The following MYO10 variants were observed in gnomAD, a reference collection of about 807,000 sequenced individuals.
MYO10 encodes the protein unconventional myosin-X.
MYO10 carries 133 observed loss-of-function variants against 257.3 expected under a neutral mutation model. The observed-to-expected ratio is 0.52, with a 90% CI of 0.45 to 0.60. The LOEUF (loss-of-function observed/expected upper bound fraction) is 0.60. Among genes scored for constraint, MYO10 ranks in the 20% least tolerant of loss-of-function variants. The probability of loss-of-function intolerance (pLI) is 0.00; values close to 1 mark genes in which losing one functional copy is unlikely to be tolerated. For synonymous variants in MYO10, 1,104 were observed against 1,028.6 expected (o/e 1.07, Z -1.40); for missense variants, 2,399 against 2,635.7 (o/e 0.91, Z 1.97).
In MYO10 at chr5:16,883,820, G is replaced by A. The variant is rs1348413771; in HGVS notation, c.22-6113C>T. ...TCCTGAACTCTGATTGAAAAAATAAGTTTAAAAATAAGTTAGAGAAACAAC... is the reference window on the plus strand; with the variant it reads ...TCCTGAACTCTGATTGAAAAAATAAATTTAAAAATAAGTTAGAGAAACAAC... On this transcript the variant is annotated intron_variant, in intron 1 of 40. Coordinates refer to ENST00000513610, the MANE Select transcript of MYO10 (RefSeq NM_012334.3). 2.0e-5 allele frequency among the ~76,000 whole-genome samples: 3 copies of A among 152,250 alleles called. No homozygotes were observed. In the East Asian group the frequency reaches 5.8e-4, roughly 29 times the overall value.
chr5:16,733,996 G>C (rs1438174498), intron 19 of MYO10, among the ~76,000 whole-genome samples: 1 of 152,146 alleles, frequency 6.6e-6, no homozygotes. Context: ...GCTGGCTTCA[G>C]GGGCAGCCTG....
intron 11 of MYO10, 98 bp from the exon 12 acceptor site, chr5:16,764,494 A>C: frequency 1.5e-6 from 2 of 1,352,694 alleles, no homozygotes; most frequent in Non-Finnish European, 2.0e-6. Context: ...CAAGACTAGC[A>C]TAGCATCTGG....
intron 4 of MYO10, among the ~76,000 whole-genome samples, chr5:16,784,159 A>C (rs1460779880): frequency 1.3e-5 from 2 of 152,232 alleles, no homozygotes; most frequent in Non-Finnish European, 2.9e-5. Context: ...GCCTTAAAAG[A>C]CCAGCAAACA....
chr5:16,819,801 G>A (rs1742743242), intron 2 of MYO10, among the ~76,000 whole-genome samples: 1 of 152,092 alleles, frequency 6.6e-6, no homozygotes, highest in East Asian at 1.9e-4. Flanking sequence ...TTTTTCATGA[G>A]CCATGACAAA....
chr5:16,713,237 C>T (rs1738700622), intron 19 of MYO10: 2 of 853,814 alleles, frequency 2.3e-6, no homozygotes, highest in Middle Eastern at 5.9e-4. Flanking sequence ...AGAACAAAGT[C>T]TGTACAATTC....
At chr5:16,927,170 C>A (rs945193405) in intron 1 of MYO10, among the ~76,000 whole-genome samples, 3 of 152,132 alleles carry the variant, frequency 2.0e-5, no homozygotes, top group South Asian at 4.1e-4. Context: ...TCTCAATCAA[C>A]TCTTCAGTGA....
In MYO10 at chr5:16,794,505, T is replaced by C. The variant is rs1398122650; in HGVS notation, c.467+141A>G. On this transcript the variant is annotated intron_variant, in intron 4 of 40. Transcript: ENST00000513610. ...CTGAAAGCTGAAGTTACCATGCCAT[T>C]CAAAACAGAAAACTCTGTCGGAGAA... 4.0e-6 allele frequency: 3 copies of C among 757,864 alleles called. No individual in the cohort carries two copies. The East Asian group carries it at 9.7e-5, about 24-fold the overall frequency. The allele number at this position is 757,864 out of a possible 1,614,324, so 46.9% of individuals were successfully genotyped here.
chr5:16,844,923 A>T (rs137889184), intron 2 of MYO10, among the ~76,000 whole-genome samples: 2 of 150,520 alleles, frequency 1.3e-5, no homozygotes, highest in Non-Finnish European at 2.9e-5. Context: ...TTATTCCAAC[A>T]AAGTAATTCC....
At chr5:16,673,473 A>T (rs1304752221) in intron 36 of MYO10, among the ~76,000 whole-genome samples, 2 of 152,116 alleles carry the variant, frequency 1.3e-5, no homozygotes, top group African/African-American at 4.8e-5. Flanking sequence ...CAGGTACTTT[A>T]TCTCTGTGTT....
In MYO10 at chr5:16,817,775, G is replaced by A. The variant is rs58415812; in HGVS notation, c.279+234C>T. ...ACAAGCAGCAAGGTCAAACTACCTC[G>A]ATGTGCAGAAGGCCCTTCCACAGAA... is the stretch of plus-strand genomic sequence containing the variant. On this transcript the variant is annotated intron_variant, in intron 3 of 40. Coordinates refer to ENST00000513610, the MANE Select transcript of MYO10 (RefSeq NM_012334.3). 7.9e-3 allele frequency among the ~76,000 whole-genome samples: 1,199 copies of A among 152,226 alleles called. 13 individuals are homozygous for A. Among genetic ancestry groups the A allele is most frequent in the African/African-American group, 0.028 (1,147 of 41,524 alleles).
chr5:16,755,412 G>A (rs923422686), intron 18 of MYO10, among the ~76,000 whole-genome samples: 3 of 152,176 alleles, frequency 2.0e-5, no homozygotes, highest in African/African-American at 7.2e-5. Context: ...TGATCCACCG[G>A]CCTCAGCCTC....
At chr5:16,718,534 G>A (rs1312426081) in intron 19 of MYO10, among the ~76,000 whole-genome samples, 1 of 152,132 alleles carries the variant, frequency 6.6e-6, no homozygotes, top group African/African-American at 2.4e-5. Flanking sequence ...TCTGTATCTA[G>A]CTGCTCTGGT....
chr5:16,811,301 G>C (rs992130786), intron 3 of MYO10, among the ~76,000 whole-genome samples: 1 of 152,074 alleles, frequency 6.6e-6, no homozygotes, highest in African/African-American at 2.4e-5. Flanking sequence ...GTAGCTATGA[G>C]ACCAAAAATG....
Position 16,780,510 on chromosome 5 carries a change from G to A in MYO10, c.826+14C>T. ...AGTTGCTAGTCCACATTATCCAGCT[G>A]TCGTCCCACTCACCTCTTTCTTCAT... is the stretch of plus-strand genomic sequence containing the variant. On this transcript the variant is annotated intron_variant, in intron 8 of 40. Transcript: ENST00000513610. The A allele has an allele frequency of 6.4e-7, 1 of 1,554,682 alleles. No homozygotes were observed. The highest frequency in any genetic ancestry group is 1.9e-5 in the Admixed American group (1 of 52,910).
chr5:16,889,229 A>T (rs1744976202), intron 1 of MYO10, among the ~76,000 whole-genome samples: 1 of 150,362 alleles, frequency 6.7e-6, no homozygotes, highest in African/African-American at 2.4e-5. Context: ...AACATGGTGA[A>T]ACCCCATCTC....
chr5:16,912,383 C>T (rs544908478), intron 1 of MYO10, among the ~76,000 whole-genome samples: 1 of 152,178 alleles, frequency 6.6e-6, no homozygotes, highest in Non-Finnish European at 1.5e-5. Flanking sequence ...GCCACAGTCC[C>T]CACCACTCCC....
chr5:16,755,429 T>G (rs932179939), intron 18 of MYO10, among the ~76,000 whole-genome samples: 2 of 152,196 alleles, frequency 1.3e-5, no homozygotes, highest in Non-Finnish European at 2.9e-5. Context: ...CCTCCCAAAG[T>G]GCTGGGATTA....
intron 2 of MYO10, among the ~76,000 whole-genome samples, chr5:16,824,036 G>A (rs1453952226): frequency 1.3e-5 from 2 of 152,110 alleles, no homozygotes; most frequent in African/African-American, 4.8e-5. Flanking sequence ...ATGGTGAACT[G>A]GATTGGCGTG....
intron 3 of MYO10, among the ~76,000 whole-genome samples, chr5:16,799,657 T>C (rs1028017487): frequency 2.0e-5 from 3 of 152,126 alleles, no homozygotes; most frequent in African/African-American, 7.2e-5. Context: ...TACGCCCACC[T>C]AATTTTTGCA....
Sources: gnomAD v4.1 joint callset for allele counts (sites outside exome capture counted in the v4.1 genomes callset) on GRCh38, gnomAD v4.1.1 for gene constraint, MANE v1.5 for transcripts, NCBI Gene and HGNC (gene_info 2026-07-23, HGNC 2026-07-21) for gene names.